Variants in DOK6 observed in about 807,000 individuals in gnomAD.
DOK6 encodes the protein docking protein 6.
In DOK6, 22 loss-of-function variants were observed where a neutral mutation model predicts 44.0. The ratio of observed to expected loss-of-function variants is 0.50; its 90% CI spans 0.36 to 0.71. DOK6 has a LOEUF of 0.71. Ranked by LOEUF, DOK6 falls within the 30% of genes least tolerant of loss-of-function variation. DOK6 has a pLI of 0.00. For synonymous variants in DOK6, 166 were observed against 145.5 expected (o/e 1.14, Z -1.01); for missense variants, 340 against 416.4 (o/e 0.82, Z 1.60).
chr18:69,778,382 G>T (rs774753187), intron 7 of DOK6, among the ~76,000 whole-genome samples: 5 of 107,900 alleles, frequency 4.6e-5, no homozygotes, highest in Non-Finnish European at 8.8e-5. Flanking sequence ...AAAAACAGAG[G>T]CCATAGCAAA....
intron 2 of DOK6, among the ~76,000 whole-genome samples, chr18:69,565,507 GTGTGTGTGTGTGTGTATATA>G (rs766444199): frequency 0.028 from 911 of 32,952 alleles, 6 homozygotes; most frequent in South Asian, 0.057. Context: ...GTGTGTGTGT[GTGTGTGTGTGTGTGTATATA>G]TATATACATA....
intron 3 of DOK6, among the ~76,000 whole-genome samples, chr18:69,630,251 C>G (rs955574111): frequency 4.6e-5 from 7 of 152,090 alleles, no homozygotes; most frequent in Non-Finnish European, 7.4e-5. Flanking sequence ...AGACCTAACA[C>G]TTGACCATTT....
At chr18:69,673,573 C>G (rs1985856211) in intron 3 of DOK6, among the ~76,000 whole-genome samples, 1 of 152,192 alleles carries the variant, frequency 6.6e-6, no homozygotes, top group South Asian at 2.1e-4. Context: ...GGACTCCCAT[C>G]ATTTTCTCTG....
intron 2 of DOK6, among the ~76,000 whole-genome samples, chr18:69,571,121 A>G (rs1983105645): frequency 6.6e-6 from 1 of 152,044 alleles, no homozygotes; most frequent in Non-Finnish European, 1.5e-5. Flanking sequence ...ACGGACTCAT[A>G]CCATTGTAAG....
intron 3 of DOK6, among the ~76,000 whole-genome samples, chr18:69,628,669 A>G (rs1171507483): frequency 6.6e-6 from 1 of 152,188 alleles, no homozygotes; most frequent in Non-Finnish European, 1.5e-5. Flanking sequence ...GAATTTTATG[A>G]ACATATTTGC....
At chr18:69,833,258 C>A (rs1036770921) in intron 7 of DOK6, among the ~76,000 whole-genome samples, 2 of 152,104 alleles carry the variant, frequency 1.3e-5, no homozygotes, top group African/African-American at 4.8e-5. Context: ...CATAAATCCA[C>A]GTGCTTACAG....
chr18:69,667,309 A>T (rs1355609090), intron 3 of DOK6, among the ~76,000 whole-genome samples: 1 of 152,178 alleles, frequency 6.6e-6, no homozygotes, highest in African/African-American at 2.4e-5. Flanking sequence ...CCTAAAAAAA[A>T]TTACAAAATA....
At chr18:69,401,688 T>A (rs1916103524) in intron 1 of DOK6, among the ~76,000 whole-genome samples, 1 of 152,150 alleles carries the variant, frequency 6.6e-6, no homozygotes. Flanking sequence ...GGAACTGCTG[T>A]GTGTGGCGAC....
chr18:69,606,919 C>T (rs1166565140), intron 3 of DOK6, among the ~76,000 whole-genome samples: 2 of 152,042 alleles, frequency 1.3e-5, no homozygotes, highest in Admixed American at 6.6e-5. Context: ...ATAAGCCTAT[C>T]TATCTAAATT....
chr18:69,567,567 A>T (rs1983013980), intron 2 of DOK6, among the ~76,000 whole-genome samples: 1 of 152,178 alleles, frequency 6.6e-6, no homozygotes, highest in Non-Finnish European at 1.5e-5. Flanking sequence ...GGTCATAAAA[A>T]CTGAATTAGA....
intron 6 of DOK6, among the ~76,000 whole-genome samples, chr18:69,745,021 G>C (rs1978940512): frequency 2.0e-5 from 3 of 151,432 alleles, no homozygotes; most frequent in Non-Finnish European, 4.4e-5. Flanking sequence ...GAGATAGTGA[G>C]AAAGCAATGT....
intron 5 of DOK6, among the ~76,000 whole-genome samples, chr18:69,725,742 C>T (rs1978303671): frequency 6.6e-6 from 1 of 152,214 alleles, no homozygotes; most frequent in African/African-American, 2.4e-5. Context: ...CCACCTTGGC[C>T]TCCCAAAGTG....
At chr18:69,549,520 C>T (rs967687298) in intron 1 of DOK6, among the ~76,000 whole-genome samples, 1 of 151,480 alleles carries the variant, frequency 6.6e-6, no homozygotes, top group Non-Finnish European at 1.5e-5. Flanking sequence ...ATCCATTACC[C>T]CATTTGTCCA....
At chr18:69,687,278 C>T (rs1458381864) in intron 4 of DOK6, among the ~76,000 whole-genome samples, 3 of 152,158 alleles carry the variant, frequency 2.0e-5, no homozygotes, top group Non-Finnish European at 4.4e-5. Flanking sequence ...CAAAATATTT[C>T]CTTATGTTAA....
intron 1 of DOK6, among the ~76,000 whole-genome samples, chr18:69,497,311 T>C: frequency 6.6e-6 from 1 of 152,150 alleles, no homozygotes; most frequent in East Asian, 1.9e-4. Flanking sequence ...ATAGAGAAGC[T>C]AAAGGGTCAG....
At chr18:69,439,837 C>G (rs910781587) in intron 1 of DOK6, among the ~76,000 whole-genome samples, 6 of 152,186 alleles carry the variant, frequency 3.9e-5, no homozygotes, top group African/African-American at 1.4e-4. Flanking sequence ...TTCATGTGTT[C>G]ACTGTAGTAG....
At chr18:69,676,929 A>T (rs1219189628) in intron 3 of DOK6, among the ~76,000 whole-genome samples, 1 of 152,240 alleles carries the variant, frequency 6.6e-6, no homozygotes, top group Non-Finnish European at 1.5e-5. Context: ...GTTTTAAGCA[A>T]GAGGAAAATG....
intron 5 of DOK6, among the ~76,000 whole-genome samples, chr18:69,732,337 C>A (rs181588780): frequency 7.0e-4 from 106 of 152,086 alleles, no homozygotes; most frequent in African/African-American, 2.4e-3. Flanking sequence ...AAATTTTTTT[C>A]CCATTAAACC....
intron 2 of DOK6, among the ~76,000 whole-genome samples, chr18:69,574,815 G>A (rs898200913): frequency 6.6e-6 from 1 of 152,030 alleles, no homozygotes; most frequent in African/African-American, 2.4e-5. Context: ...ATCCATTTTT[G>A]TGGTGTCATA....
Sources: allele counts gnomAD v4.1 joint callset (sites outside exome capture counted in the v4.1 genomes callset), GRCh38; gene constraint gnomAD v4.1.1; transcripts MANE v1.5; gene names NCBI Gene and HGNC (gene_info 2026-07-23, HGNC 2026-07-21).